The following CFAP54 variants were observed in gnomAD, a reference collection of about 807,000 sequenced individuals.
CFAP54 encodes the protein cilia- and flagella-associated protein 54.
In CFAP54, 290 loss-of-function variants were observed where a neutral mutation model predicts 370.4. The ratio of observed to expected loss-of-function variants is 0.78; its 90% CI spans 0.71 to 0.86. The LOEUF (loss-of-function observed/expected upper bound fraction) is 0.86. Ranked by LOEUF, CFAP54 falls within the 40% of genes least tolerant of loss-of-function variation. The probability of loss-of-function intolerance (pLI) is 0.00; values close to 1 mark genes in which losing one functional copy is unlikely to be tolerated. For synonymous variants in CFAP54, 1,206 were observed against 1,236.5 expected, an observed-to-expected ratio of 0.98 and a Z score of 0.52; for missense variants, 3,399 against 3,528.7, an observed-to-expected ratio of 0.96 and a Z score of 0.93.
chr12:96,610,582 G>A (rs1592881033), intron 26 of CFAP54, among the ~76,000 whole-genome samples: 1 of 152,294 alleles, frequency 6.6e-6, no homozygotes, highest in East Asian at 1.9e-4. Flanking sequence ...GCCGAAGCAG[G>A]GTGAGGCATT....
intron 63 of CFAP54, among the ~76,000 whole-genome samples, chr12:96,793,621 G>A (rs1443811766): frequency 6.6e-6 from 1 of 152,104 alleles, no homozygotes; most frequent in Non-Finnish European, 1.5e-5. Context: ...ATTCTTTAGG[G>A]AATTTCCACA....
In CFAP54 at chr12:96,716,804, T is replaced by A. The variant is rs4762162; in HGVS notation, c.6725-1639T>A. On this transcript the variant is annotated intron_variant, in intron 48 of 67. Coordinates refer to ENST00000524981, the MANE Select transcript of CFAP54 (RefSeq NM_001306084.2). ...CTTATGTAATTGGATAAGACCGAAT[T>A]TAACTGCAAAGAGGCCAGGAAGTAT... Among the ~76,000 whole-genome samples, 1,431 of 152,256 alleles carry A rather than the reference T, an allele frequency of 9.4e-3. 55 individuals are homozygous for A. The East Asian group carries it at 0.098, about 10-fold the overall frequency.
rs950705759 is a variant in CFAP54 at position 96,642,691 on chromosome 12, A to T, written c.4317-1487A>T. ...AGAATATATAGAAGGTAGTTTCAGGATTTCTAAATATTTTTTAATTCGGGT... is the reference window on the plus strand; with the variant it reads ...AGAATATATAGAAGGTAGTTTCAGGTTTTCTAAATATTTTTTAATTCGGGT... On this transcript the variant is annotated intron_variant, in intron 32 of 67. Coordinates refer to ENST00000524981, the MANE Select transcript of CFAP54 (RefSeq NM_001306084.2). Among the ~76,000 whole-genome samples the T allele has an allele frequency of 3.3e-5, 5 of 152,096 alleles. No individual in the cohort carries two copies. The South Asian group carries it at 1.0e-3, about 31-fold the overall frequency.
At position 96,493,176 on chromosome 12, in the gene CFAP54, C is replaced by A. The variant is rs12322730; in HGVS notation, c.317+3250C>A. ...AGTCCAACCTCTCACACAATTTTGG[C>A]CTTTATTTATACAATAATTTTTACT... On this transcript the variant is annotated intron_variant, in intron 1 of 67. Transcript: ENST00000524981. Among the ~76,000 whole-genome samples the A allele has an allele frequency of 9.4e-3, 1,432 of 152,188 alleles. 12 individuals carry two copies. The highest frequency in any genetic ancestry group is 0.02 in the Middle Eastern group (6 of 294).
chr12:96,814,852 A>G (rs1025229063), intron 64 of CFAP54, among the ~76,000 whole-genome samples: 5 of 152,106 alleles, frequency 3.3e-5, no homozygotes, highest in Non-Finnish European at 7.4e-5. Context: ...GATGGTTTCC[A>G]GTTTCATGCA....
chr12:96,596,568 G>A (rs1162796177), intron 25 of CFAP54, among the ~76,000 whole-genome samples: 1 of 152,028 alleles, frequency 6.6e-6, no homozygotes, highest in Non-Finnish European at 1.5e-5. Context: ...TGTACAAAAA[G>A]TCCAGATTTA....
chr12:96,651,869 G>C (rs1956862012), intron 36 of CFAP54, 54 bp downstream of exon 36: 6 of 1,097,212 alleles, frequency 5.5e-6, no homozygotes, highest in Admixed American at 2.4e-5. Flanking sequence ...ATATCGTACT[G>C]TGCATCTTGG....
chr12:96,767,611 A>AT (rs1958413816), intron 60 of CFAP54, among the ~76,000 whole-genome samples: 1 of 152,152 alleles, frequency 6.6e-6, no homozygotes, highest in Non-Finnish European at 1.5e-5. Flanking sequence ...CAGGCTGATA[A>AT]TTAATTCATG....
At chr12:96,635,343 A>AT (rs997886550) in intron 32 of CFAP54, among the ~76,000 whole-genome samples, 6 of 151,736 alleles carry the variant, frequency 4.0e-5, no homozygotes, top group Admixed American at 1.3e-4. Context: ...TTTTTCATTG[A>AT]TTTTTTTCTT....
At chr12:96,597,060 C>G (rs889561441) in intron 25 of CFAP54, among the ~76,000 whole-genome samples, 1 of 151,958 alleles carries the variant, frequency 6.6e-6, no homozygotes, top group African/African-American at 2.4e-5. Context: ...TTGTTACAAG[C>G]ATTTGAATTT....
chr12:96,497,890 T>G (rs1228726594), intron 1 of CFAP54, among the ~76,000 whole-genome samples: 1 of 152,256 alleles, frequency 6.6e-6, no homozygotes, highest in East Asian at 1.9e-4. Flanking sequence ...GATAGTGTGT[T>G]CATCTTCCTG....
chr12:96,659,605 C>T (rs1956968165), intron 38 of CFAP54, among the ~76,000 whole-genome samples: 1 of 152,138 alleles, frequency 6.6e-6, no homozygotes, highest in Non-Finnish European at 1.5e-5. Context: ...GAGAAATAGA[C>T]TCATGAAGGC....
intron 63 of CFAP54, among the ~76,000 whole-genome samples, chr12:96,807,423 T>A (rs1958893145): frequency 6.6e-6 from 1 of 152,232 alleles, no homozygotes; most frequent in Admixed American, 6.5e-5. Context: ...GGCAATCAAC[T>A]CCACCTAGTA....
At chr12:96,749,429 A>G (rs1311069066) in intron 55 of CFAP54, among the ~76,000 whole-genome samples, 1 of 152,268 alleles carries the variant, frequency 6.6e-6, no homozygotes, top group East Asian at 1.9e-4. Flanking sequence ...TTAAAGGGAC[A>G]CAAACATTCA....
At chr12:96,543,795 C>A (rs999731701) in intron 14 of CFAP54, among the ~76,000 whole-genome samples, 1 of 152,104 alleles carries the variant, frequency 6.6e-6, no homozygotes, top group Non-Finnish European at 1.5e-5. Context: ...TCAGTTCACC[C>A]TAACTTCTAG....
At chr12:96,547,723 A>G (rs28479421) in intron 14 of CFAP54, among the ~76,000 whole-genome samples, 179 bp from the exon 15 acceptor site, 3 of 152,120 alleles carry the variant, frequency 2.0e-5, no homozygotes, top group African/African-American at 7.2e-5. Context: ...ATTATGATTC[A>G]CTGCTATATT....
intron 63 of CFAP54, among the ~76,000 whole-genome samples, chr12:96,793,034 T>A (rs1055013140): frequency 6.6e-6 from 1 of 152,156 alleles, no homozygotes; most frequent in Admixed American, 6.5e-5. Flanking sequence ...ATTTTTATAC[T>A]ATTCTTTTTT....
chr12:96,730,429 C>T (rs1402492115), intron 50 of CFAP54, among the ~76,000 whole-genome samples: 2 of 152,136 alleles, frequency 1.3e-5, no homozygotes. Context: ...TCAGACTTCA[C>T]AGCCCAAGAA....
chr12:96,763,674 G>T (rs11108686), intron 58 of CFAP54, among the ~76,000 whole-genome samples: 55,221 of 151,888 alleles, frequency 0.36, 10,789 homozygotes, highest in East Asian at 0.58. Flanking sequence ...AGCTACTTGG[G>T]AGTCTGAGGT....
Sources: allele counts gnomAD v4.1 joint callset (sites outside exome capture counted in the v4.1 genomes callset), GRCh38; gene constraint gnomAD v4.1.1; transcripts MANE v1.5; gene names NCBI Gene and HGNC (gene_info 2026-07-23, HGNC 2026-07-21).